The following FAM107B variants were observed in gnomAD, a reference collection of about 807,000 sequenced individuals.
FAM107B encodes the protein family with sequence similarity 107 member B, also known as protein FAM107B.
In FAM107B, 21 loss-of-function variants were observed where a neutral mutation model predicts 31.5. That is an observed-to-expected ratio of 0.67 (90% CI 0.47 to 0.96). FAM107B has a LOEUF of 0.96. FAM107B is among the 40% of genes least tolerant of loss of function. The pLI is 0.00. For missense variants in FAM107B, 452 were observed against 377.1 expected, an observed-to-expected ratio of 1.20 and a Z score of -1.64; for synonymous variants, 157 against 141.5, an observed-to-expected ratio of 1.11 and a Z score of -0.78.
At chr10:14,709,238 T>C (rs1855586070) in intron 1 of FAM107B, among the ~76,000 whole-genome samples, 1 of 152,198 alleles carries the variant, frequency 6.6e-6, no homozygotes, top group Non-Finnish European at 1.5e-5. Context: ...CAAAGAAAAC[T>C]GCACAGGTAT....
rs561757457 is a variant in FAM107B at position 14,636,656 on chromosome 10, C to T, written c.469+30978G>A. Among the ~76,000 whole-genome samples, 16 of 149,436 alleles carry T rather than the reference C, an allele frequency of 1.1e-4. No homozygotes were observed. In the South Asian group the frequency reaches 1.9e-3, roughly 18 times the overall value. On this transcript the variant is annotated intron_variant, in intron 2 of 4. Coordinates refer to ENST00000181796, the MANE Select transcript of FAM107B (RefSeq NM_031453.4). The stretch of plus-strand genomic sequence containing the variant: ...TCCATCTCCAAACACAGTTACATGG[C>T]GAAGGAAGTACTGGGGTTAGGGCTC...
intron 2 of FAM107B, among the ~76,000 whole-genome samples, chr10:14,666,695 G>A (rs942065038): frequency 2.0e-5 from 3 of 152,198 alleles, no homozygotes; most frequent in African/African-American, 7.2e-5. Context: ...AGGGGACAGT[G>A]TCTCAGGAAG....
At chr10:14,743,666 A>G (rs1480455670) in intron 1 of FAM107B, among the ~76,000 whole-genome samples, 1 of 152,122 alleles carries the variant, frequency 6.6e-6, no homozygotes, top group Non-Finnish European at 1.5e-5. Context: ...ATGGTTGTAG[A>G]TGTGTGGACT....
chr10:14,545,904 GAGA>G (rs1848650037), intron 2 of FAM107B, among the ~76,000 whole-genome samples: 1 of 152,194 alleles, frequency 6.6e-6, no homozygotes, highest in Non-Finnish European at 1.5e-5. Context: ...AGGATGGACT[GAGA>G]AGATGGTTGA....
rs1279475927 is a variant in FAM107B at position 14,774,365 on chromosome 10, T to C, written c.299A>G (p.Gln100Arg). Residue 100 changes from glutamine to arginine, a missense_variant, in exon 1 of 5, where the codon CAG (glutamine) becomes CGG (arginine). Coordinates refer to ENST00000181796, the MANE Select transcript of FAM107B (RefSeq NM_031453.4). ...NRNSSHRTAAQPAETPEDVPG... is the reference protein window; with the variant it reads ...NRNSSHRTAARPAETPEDVPG... Reference sequence around the variant, plus strand: ...CACATCTTCAGGCGTCTCCGCGGGCTGGGCCGCAGTGCGGTGACTTGAATT... The same window carrying C: ...CACATCTTCAGGCGTCTCCGCGGGCCGGGCCGCAGTGCGGTGACTTGAATT... The C allele has an allele frequency of 5.0e-6, 8 of 1,614,080 alleles. No individual in the cohort carries two copies. The highest frequency in any genetic ancestry group is 6.8e-6 in the Non-Finnish European group (8 of 1,180,042).
In FAM107B at chr10:14,559,772, G is replaced by A. The variant is rs963313980; in HGVS notation, c.470-29257C>T. 3.3e-5 allele frequency among the ~76,000 whole-genome samples: 5 copies of A among 150,946 alleles called. 1 individual carries two copies. Among genetic ancestry groups the A allele is most frequent in the African/African-American group, 9.8e-5 (4 of 40,986 alleles). ...TTTTTTTTGTATTTTTAGTAGAGAC[G>A]GGGTTTCACCATGGTTTCAATCTCC... On this transcript the variant is annotated intron_variant, in intron 2 of 4. Transcript: ENST00000181796.
chr10:14,537,381 G>T (rs1477035685), intron 2 of FAM107B, among the ~76,000 whole-genome samples: 1 of 152,218 alleles, frequency 6.6e-6, no homozygotes, highest in African/African-American at 2.4e-5. Context: ...TCCAAATGAG[G>T]CTGACAGCTT....
intron 2 of FAM107B, among the ~76,000 whole-genome samples, chr10:14,617,969 C>T (rs1336491767): frequency 6.6e-6 from 1 of 152,116 alleles, no homozygotes; most frequent in Non-Finnish European, 1.5e-5. Flanking sequence ...TTTTAGTCTA[C>T]AGATCTATTA....
At chr10:14,691,767 G>A (rs1855140278) in intron 1 of FAM107B, among the ~76,000 whole-genome samples, 1 of 151,720 alleles carries the variant, frequency 6.6e-6, no homozygotes, top group African/African-American at 2.4e-5. Flanking sequence ...GGTGGCAGGT[G>A]GCTATAATCC....
chr10:14,550,343 G>A (rs72768917), intron 2 of FAM107B, among the ~76,000 whole-genome samples: 17,032 of 152,206 alleles, frequency 0.11, 1,057 homozygotes, highest in Non-Finnish European at 0.15. Context: ...ACCTACCACT[G>A]AGTCTGCAGC....
intron 1 of FAM107B, among the ~76,000 whole-genome samples, chr10:14,767,024 GTA>G (rs369321562): frequency 0.014 from 223 of 16,236 alleles, 13 homozygotes; most frequent in Non-Finnish European, 0.028. Context: ...TGATGTGTAT[GTA>G]TATATATATA....
At chr10:14,579,149 A>C (rs1242529095) in intron 2 of FAM107B, among the ~76,000 whole-genome samples, 2 of 152,204 alleles carry the variant, frequency 1.3e-5, no homozygotes, top group Non-Finnish European at 2.9e-5. Flanking sequence ...TGTTATCTTA[A>C]TTTGCTTCTG....
chr10:14,655,422 T>C (rs1854022270), intron 2 of FAM107B, among the ~76,000 whole-genome samples: 1 of 152,242 alleles, frequency 6.6e-6, no homozygotes, highest in Non-Finnish European at 1.5e-5. Context: ...ACAAATATTT[T>C]GTTTTGTTTT....
At chr10:14,619,617 C>T (rs1852946858) in intron 2 of FAM107B, among the ~76,000 whole-genome samples, 1 of 147,622 alleles carries the variant, frequency 6.8e-6, no homozygotes, top group African/African-American at 2.5e-5. Flanking sequence ...CTTTTTATTT[C>T]CTTAACAATG....
Position 14,774,560 on chromosome 10 carries a change from C to A in FAM107B, c.104G>T (p.Arg35Met). 6.2e-7 allele frequency: 1 copy of A among 1,614,214 alleles called. No homozygotes were observed. Among genetic ancestry groups the A allele is most frequent in the Middle Eastern group, 1.6e-4 (1 of 6,062 alleles). The stretch of plus-strand genomic sequence containing the variant: ...GGACTGATTGAAGGAAGCACTCTCC[C>A]TCGTATTCCCAAAACAGGCGAGCAG... ...SALLACFGNT[R>M]ESASFNQSGV... The change falls in exon 1 of 5, where the codon AGG becomes ATG. Residue 35 changes from arginine to methionine, a missense_variant. Arg to Met is a moderately conservative substitution (Grantham distance 91, BLOSUM62 -1). Transcript: ENST00000181796.
chr10:14,767,055 T>TATATATATATATAGAGAGAG (rs1440609298), intron 1 of FAM107B, among the ~76,000 whole-genome samples: 2 of 18,278 alleles, frequency 1.1e-4, no homozygotes, highest in Non-Finnish European at 2.2e-4. Flanking sequence ...TATATATATA[T>TATATATATATATAGAGAGAG]AGAGAGAGAG....
rs544893284 is a variant in FAM107B at position 14,620,916 on chromosome 10, A to C, written c.469+46718T>G. Among the ~76,000 whole-genome samples the C allele has an allele frequency of 2.0e-5, 3 of 152,332 alleles. No individual in the cohort carries two copies. In the East Asian group the frequency reaches 5.8e-4, roughly 29 times the overall value. On this transcript the variant is annotated intron_variant, in intron 2 of 4. Transcript: ENST00000181796. ...ACAAACCTTACATACATTTTGTTAA[A>C]GTAATCCCTAAGTATTTCTTGGTTT...
At chr10:14,617,754 C>CAA (rs35039591) in intron 2 of FAM107B, among the ~76,000 whole-genome samples, 2 of 68,774 alleles carry the variant, frequency 2.9e-5, no homozygotes, top group African/African-American at 6.5e-5. Context: ...AGGTAGACGC[C>CAA]AAAAAAAAAA....
At chr10:14,574,019 A>G (rs1371491034) in intron 2 of FAM107B, among the ~76,000 whole-genome samples, 1 of 152,094 alleles carries the variant, frequency 6.6e-6, no homozygotes, top group African/African-American at 2.4e-5. Flanking sequence ...TCAACATGAA[A>G]TGCCACAAGA....
Sources: gnomAD v4.1 joint callset for allele counts (sites outside exome capture counted in the v4.1 genomes callset) on GRCh38, gnomAD v4.1.1 for gene constraint, MANE v1.5 for transcripts, NCBI Gene and HGNC (gene_info 2026-07-23, HGNC 2026-07-21) for gene names.